Variants in PRDM14 observed in about 807,000 individuals in gnomAD.
The protein encoded by PRDM14 is PR domain zinc finger protein 14.
PRDM14 carries 16 observed loss-of-function variants against 48.0 expected under a neutral mutation model. The ratio of observed to expected loss-of-function variants is 0.33; its 90% CI spans 0.23 to 0.51. The LOEUF (loss-of-function observed/expected upper bound fraction) is 0.51, where lower values mean the gene tolerates loss of function less well. PRDM14 is among the 20% of genes least tolerant of loss of function. The pLI is 0.97. For missense variants in PRDM14, 566 were observed against 719.6 expected (o/e 0.79, Z 2.44); for synonymous variants, 264 against 276.6 (o/e 0.95, Z 0.45).
intron 5 of PRDM14, among the ~76,000 whole-genome samples, chr8:70,059,302 T>G (rs946735157): frequency 1.3e-5 from 2 of 150,944 alleles, no homozygotes; most frequent in Admixed American, 6.6e-5. Context: ...GATGGAGTCT[T>G]GCTCTGTCAC....
Position 70,069,155 on chromosome 8 carries a change from C to G in PRDM14, c.700+6G>C. 2 of 1,500,342 alleles carry G rather than the reference C, an allele frequency of 1.3e-6. No individual in the cohort carries two copies. Among genetic ancestry groups the G allele is most frequent in the African/African-American group, 1.4e-5 (1 of 71,664 alleles). 92.9% of individuals were successfully genotyped at this position (1,500,342 alleles called of 1,614,324 possible). The stretch of plus-strand genomic sequence containing the variant: ...TCGACTCCCAAATGGTGTGAACTCC[C>G]TTTACCAGAGCTGTCTGGGGGGACC... On this transcript the variant is annotated splice_donor_region_variant and intron_variant, in intron 2 of 7. Transcript: ENST00000276594.
chr8:70,065,247 C>T (rs1805648904), intron 5 of PRDM14, among the ~76,000 whole-genome samples: 1 of 152,016 alleles, frequency 6.6e-6, no homozygotes, highest in Non-Finnish European at 1.5e-5. Flanking sequence ...AAGTGATCCG[C>T]CCATCTCCGC....
rs768879634 is a variant in PRDM14 at position 70,069,208 on chromosome 8, C to A, written c.653G>T (p.Ser218Ile). The A allele has an allele frequency of 1.1e-5, 17 of 1,564,090 alleles. No individual in the cohort carries two copies. The highest frequency in any genetic ancestry group is 1.4e-5 in the Non-Finnish European group (16 of 1,154,240). The change falls in exon 2 of 8, where the codon AGC (serine) becomes ATC (isoleucine). Residue 218 changes from serine to isoleucine, a missense_variant. This residue lies in a region of PRDM14 where 410 missense variants were observed against 424.6 expected (regional missense o/e 0.97). Coordinates refer to ENST00000276594, the MANE Select transcript of PRDM14 (RefSeq NM_024504.4). ...GVTPSLEHPA[S>I]LHHAISGLLV... ...GAGGCCTGAAATCGCATGGTGCAGGCTGGCTGGGTGCTCCAGGCTGGGAGT... is the reference window on the plus strand; with the variant it reads ...GAGGCCTGAAATCGCATGGTGCAGGATGGCTGGGTGCTCCAGGCTGGGAGT...
chr8:70,061,865 T>A (rs189619353), intron 5 of PRDM14, among the ~76,000 whole-genome samples: 43 of 152,086 alleles, frequency 2.8e-4, no homozygotes, highest in African/African-American at 9.4e-4. Flanking sequence ...CCTCTCTCCC[T>A]CACAAGAGGG....
intron 5 of PRDM14, among the ~76,000 whole-genome samples, chr8:70,063,101 TACAAACATTG>T (rs2131039801): frequency 6.6e-6 from 1 of 152,298 alleles, no homozygotes; most frequent in African/African-American, 2.4e-5. Flanking sequence ...ACATCAAAGT[TACAAACATTG>T]TAATAATTTG....
intron 6 of PRDM14, among the ~76,000 whole-genome samples, chr8:70,058,192 A>T (rs907153425): frequency 6.6e-5 from 10 of 152,044 alleles, no homozygotes; most frequent in Non-Finnish European, 1.2e-4. Context: ...CTTCCTTCTT[A>T]CCTATACCTG....
intron 4 of PRDM14, among the ~76,000 whole-genome samples, chr8:70,067,864 T>C (rs913534321): frequency 2.0e-5 from 3 of 152,234 alleles, no homozygotes; most frequent in African/African-American, 7.2e-5. Context: ...GTGAATAATA[T>C]TGAATTTTAA....
At chr8:70,056,029 T>C (rs1805467285) in intron 6 of PRDM14, among the ~76,000 whole-genome samples, 1 of 152,178 alleles carries the variant, frequency 6.6e-6, no homozygotes, top group Admixed American at 6.6e-5. Flanking sequence ...AACTCAACAA[T>C]TATCTACGAC....
chr8:70,069,243 C>G lies in PRDM14; in HGVS notation c.618G>C (p.Leu206=). 1.2e-6 allele frequency: 2 copies of G among 1,602,086 alleles called. No individual in the cohort carries two copies. The highest frequency in any genetic ancestry group is 1.7e-6 in the Non-Finnish European group (2 of 1,174,106). ...QFTEEDLHFV[L]YGVTPSLEHP... is the part of the protein sequence containing the mutation. ...GCTCCAGGCTGGGAGTGACCCCGTACAGAACGAAGTGCAGGTCCTCCTCCG... is the reference window on the plus strand; with the variant it reads ...GCTCCAGGCTGGGAGTGACCCCGTAGAGAACGAAGTGCAGGTCCTCCTCCG... Residue 206 remains leucine (L), a synonymous_variant, in exon 2 of 8, where the codon CTG becomes CTC. Transcript: ENST00000276594.
At chr8:70,069,066 C>T (rs919386024) in intron 2 of PRDM14, 95 bp downstream of exon 2, 2 of 1,009,792 alleles carry the variant, frequency 2.0e-6, no homozygotes, top group South Asian at 2.1e-5. Flanking sequence ...ACTCTGCAGC[C>T]TCAGCTCCAC....
At chr8:70,062,216 C>T (rs917242679) in intron 5 of PRDM14, among the ~76,000 whole-genome samples, 4 of 152,168 alleles carry the variant, frequency 2.6e-5, no homozygotes, top group East Asian at 1.9e-4. Context: ...ACACAAGTAT[C>T]TTATCTGCAT....
rs745519802 is a variant in PRDM14 at position 70,068,246 on chromosome 8, T to C, written c.896A>G (p.Asn299Ser). Residue 299 changes from asparagine to serine, a missense_variant, in exon 4 of 8, where the codon AAT becomes AGT. By Grantham distance (46) the Asn-to-Ser change is conservative. Around this residue, in one of 3 missense-constraint regions of PRDM14, gnomAD observed 410 missense variants for 424.6 expected, o/e 0.97. Transcript: ENST00000276594. ...CAGATTTACCTCCCACATCACAGAA[T>C]TGTCTCCGTAGGTCTTCACTTCACT... ...NASEVKTYGD[N>S]SVMWEIFEDG... 1.1e-4 allele frequency: 173 copies of C among 1,614,074 alleles called. No individual in the cohort carries two copies. Among genetic ancestry groups the C allele is most frequent in the Non-Finnish European group, 1.4e-4 (170 of 1,180,024 alleles).
At chr8:70,067,327 T>C (rs973377833) in intron 4 of PRDM14, among the ~76,000 whole-genome samples, 1 of 152,102 alleles carries the variant, frequency 6.6e-6, no homozygotes, top group Admixed American at 6.6e-5. Context: ...GAGACCAGCC[T>C]GGCCAACATG....
chr8:70,060,927 C>T (rs1439119282), intron 5 of PRDM14, among the ~76,000 whole-genome samples: 30 of 152,176 alleles, frequency 2.0e-4, no homozygotes, highest in Admixed American at 2.0e-3. Flanking sequence ...GATTCCAGAG[C>T]TAGAATCTTT....
At position 70,068,254 on chromosome 8, in the gene PRDM14, G is replaced by A. The variant is rs191871733; in HGVS notation, c.888C>T (p.Tyr296=). 4.3e-5 allele frequency: 69 copies of A among 1,614,198 alleles called. No homozygotes were observed. In the African/African-American group the frequency reaches 6.1e-4, roughly 14 times the overall value. Residue 296 remains tyrosine, a synonymous_variant, in exon 4 of 8, where the codon TAC becomes TAT. Transcript: ENST00000276594. ...KVVNASEVKT[Y]GDNSVMWEIF... ...CCTCCCACATCACAGAATTGTCTCC[G>A]TAGGTCTTCACTTCACTGGCATTGA...
chr8:70,058,585 G>C lies in PRDM14; in HGVS notation c.1386+55C>G. On this transcript the variant is annotated intron_variant, in intron 6 of 7. Coordinates refer to ENST00000276594, the MANE Select transcript of PRDM14 (RefSeq NM_024504.4). ...ACAAGGCAACTCCCCGTGTTCAGGA[G>C]CTTGGGAAGGGAGAGAGAACGTGAT... is the stretch of plus-strand genomic sequence containing the variant. 5.3e-6 allele frequency: 8 copies of C among 1,517,488 alleles called. No individual in the cohort carries two copies. The South Asian group carries it at 7.9e-5, about 15-fold the overall frequency. 94.0% of individuals were successfully genotyped at this position (1,517,488 alleles called of 1,614,324 possible).
intron 6 of PRDM14, among the ~76,000 whole-genome samples, chr8:70,057,516 G>C (rs2131036358): frequency 6.6e-6 from 1 of 152,146 alleles, no homozygotes; most frequent in East Asian, 1.9e-4. Flanking sequence ...ATTTTTAGTA[G>C]AGATGGGGTT....
chr8:70,067,554 A>G (rs568093763), intron 4 of PRDM14, among the ~76,000 whole-genome samples: 23 of 151,822 alleles, frequency 1.5e-4, no homozygotes, highest in Admixed American at 1.3e-3. Context: ...ACAAAGAAAG[A>G]TTACTTCTTT....
intron 1 of PRDM14, among the ~76,000 whole-genome samples, chr8:70,070,794 A>T (rs1238575301): frequency 1.3e-5 from 2 of 152,190 alleles, no homozygotes; most frequent in Non-Finnish European, 2.9e-5. Context: ...GTTTTAATAG[A>T]CAGGCAGCAA....
Sources: allele counts gnomAD v4.1 joint callset (sites outside exome capture counted in the v4.1 genomes callset), GRCh38; gene constraint gnomAD v4.1.1; regional missense constraint gnomAD v4.1.1; transcripts MANE v1.5; gene names NCBI Gene and HGNC (gene_info 2026-07-23, HGNC 2026-07-21).